Variants in MEI4 observed in about 807,000 individuals in gnomAD.
MEI4 encodes the protein meiotic double-stranded break formation protein 4.
In MEI4, 27 loss-of-function variants were observed where a neutral mutation model predicts 31.4. The ratio of observed to expected loss-of-function variants is 0.86; its 90% CI spans 0.63 to 1.19. The LOEUF (loss-of-function observed/expected upper bound fraction) is 1.19. Ranked by LOEUF, MEI4 falls within the 50% of genes most tolerant of loss-of-function variation. The pLI is 0.00. For missense variants in MEI4, 329 were observed against 398.9 expected, an observed-to-expected ratio of 0.82 and a Z score of 1.49; for synonymous variants, 122 against 145.4, an observed-to-expected ratio of 0.84 and a Z score of 1.16.
intron 4 of MEI4, among the ~76,000 whole-genome samples, chr6:77,903,353 G>T (rs1766225326): frequency 6.6e-6 from 1 of 152,052 alleles, no homozygotes; most frequent in Non-Finnish European, 1.5e-5. Context: ...GTGATAGTCA[G>T]CACTTTATTA....
chr6:77,805,759 A>G (rs1769414902), intron 3 of MEI4, among the ~76,000 whole-genome samples: 1 of 152,106 alleles, frequency 6.6e-6, no homozygotes, highest in African/African-American at 2.4e-5. Flanking sequence ...AAATATATAC[A>G]GGTCTCTTAC....
At chr6:77,798,245 TA>T (rs142370230) in intron 3 of MEI4, among the ~76,000 whole-genome samples, 2 of 151,296 alleles carry the variant, frequency 1.3e-5, no homozygotes, top group Non-Finnish European at 3.0e-5. Flanking sequence ...AAGAGTGGAA[TA>T]AAAAATAAAT....
intron 4 of MEI4, among the ~76,000 whole-genome samples, chr6:77,880,234 G>GT (rs10547763): frequency 0.016 from 2,269 of 140,824 alleles, 37 homozygotes; most frequent in African/African-American, 0.035. Flanking sequence ...TTTTTTGTTT[G>GT]TTTTTTTTTT....
chr6:77,750,610 A>T (rs1767743996), intron 2 of MEI4, among the ~76,000 whole-genome samples: 1 of 152,206 alleles, frequency 6.6e-6, no homozygotes, highest in South Asian at 2.1e-4. Flanking sequence ...GAGCACCCAG[A>T]GTCATAAAGC....
chr6:77,876,982 T>C (rs1771356878), intron 4 of MEI4, among the ~76,000 whole-genome samples: 1 of 152,216 alleles, frequency 6.6e-6, no homozygotes, highest in African/African-American at 2.4e-5. Context: ...TGCCCATTAA[T>C]ACAAGTCTTC....
intron 2 of MEI4, among the ~76,000 whole-genome samples, chr6:77,746,480 A>C (rs939938650): frequency 2.6e-5 from 4 of 152,136 alleles, no homozygotes; most frequent in Admixed American, 6.5e-5. Context: ...TTTCACACTC[A>C]AACTGCAACA....
At chr6:77,901,716 A>G (rs1248524994) in intron 4 of MEI4, among the ~76,000 whole-genome samples, 1 of 152,176 alleles carries the variant, frequency 6.6e-6, no homozygotes, top group South Asian at 2.1e-4. Context: ...TTTTTAGCTT[A>G]GTATAATTCC....
At chr6:77,819,595 C>T (rs370470924) in intron 3 of MEI4, among the ~76,000 whole-genome samples, 1 of 152,114 alleles carries the variant, frequency 6.6e-6, no homozygotes, top group Non-Finnish European at 1.5e-5. Flanking sequence ...TTTCTTCACC[C>T]TGTCCTTTCT....
chr6:77,785,786 C>T (rs13213442), intron 3 of MEI4, among the ~76,000 whole-genome samples: 14,372 of 152,114 alleles, frequency 0.094, 813 homozygotes, highest in South Asian at 0.18. Flanking sequence ...AGCTAGATAA[C>T]AGGAAATTGA....
chr6:77,731,745 G>A (rs998013885), intron 2 of MEI4, among the ~76,000 whole-genome samples: 4 of 151,566 alleles, frequency 2.6e-5, no homozygotes, highest in Non-Finnish European at 5.9e-5. Context: ...TTTCTTCTAG[G>A]GTTTTTATGG....
chr6:77,835,223 G>A (rs976780011), intron 4 of MEI4, among the ~76,000 whole-genome samples: 11 of 150,624 alleles, frequency 7.3e-5, no homozygotes, highest in African/African-American at 2.4e-4. Flanking sequence ...GGCCGGGCGC[G>A]GTGGTGCATG....
At chr6:77,695,463 G>C (rs984599106) in intron 2 of MEI4, among the ~76,000 whole-genome samples, 1 of 152,158 alleles carries the variant, frequency 6.6e-6, no homozygotes, top group Non-Finnish European at 1.5e-5. Context: ...AAGGGATCCA[G>C]TTTCAGCTTT....
intron 2 of MEI4, among the ~76,000 whole-genome samples, chr6:77,731,204 C>G (rs1344924092): frequency 2.0e-5 from 3 of 150,386 alleles, no homozygotes; most frequent in African/African-American, 7.4e-5. Flanking sequence ...AATCGCCACA[C>G]TGACTTCCAC....
chr6:77,690,192 G>A (rs1769133130), intron 1 of MEI4, among the ~76,000 whole-genome samples: 1 of 151,900 alleles, frequency 6.6e-6, no homozygotes, highest in South Asian at 2.1e-4. Flanking sequence ...TTAACAGATG[G>A]GTTGGAGGAA....
chr6:77,744,475 G>T (rs1199004540), intron 2 of MEI4, among the ~76,000 whole-genome samples: 9 of 151,950 alleles, frequency 5.9e-5, no homozygotes, highest in Admixed American at 2.6e-4. Context: ...TATGCGAAAA[G>T]ACCAAATCTA....
At chr6:77,739,797 CT>C (rs1383525460) in intron 2 of MEI4, among the ~76,000 whole-genome samples, 2 of 150,762 alleles carry the variant, frequency 1.3e-5, no homozygotes, top group Non-Finnish European at 3.0e-5. Context: ...GTCTCAATGT[CT>C]TTTAGTTCAG....
chr6:77,864,215 A>C (rs1336008605), intron 4 of MEI4, among the ~76,000 whole-genome samples: 2 of 152,188 alleles, frequency 1.3e-5, no homozygotes, highest in African/African-American at 4.8e-5. Context: ...GGCAGGATCA[A>C]ATTCACATAT....
intron 3 of MEI4, among the ~76,000 whole-genome samples, chr6:77,826,746 T>A (rs540236152): frequency 6.6e-4 from 101 of 152,182 alleles, no homozygotes; most frequent in Non-Finnish European, 1.2e-3. Context: ...AGGGGCAGTG[T>A]TGATCCTTTC....
intron 3 of MEI4, among the ~76,000 whole-genome samples, chr6:77,814,483 C>T (rs762413008): frequency 2.0e-5 from 3 of 152,172 alleles, no homozygotes; most frequent in South Asian, 4.1e-4. Flanking sequence ...TTTATTTTCA[C>T]TTTCTCAAAG....
Sources: allele counts gnomAD v4.1 joint callset (sites outside exome capture counted in the v4.1 genomes callset), GRCh38; gene constraint gnomAD v4.1.1; transcripts MANE v1.5; gene names NCBI Gene and HGNC (gene_info 2026-07-23, HGNC 2026-07-21).